SLC1A7: variants seen among roughly 807,000 people sequenced by gnomAD.
SLC1A7 encodes the protein solute carrier family 1 member 7.
SLC1A7 carries 40 observed loss-of-function variants against 47.7 expected under a neutral mutation model. That is an observed-to-expected ratio of 0.84 (90% confidence interval 0.65 to 1.09). The LOEUF is 1.09. Ranked by LOEUF, SLC1A7 falls within the 50% of genes least tolerant of loss-of-function variation. SLC1A7 has a pLI of 0.00. For synonymous variants in SLC1A7, 323 were observed against 325.6 expected, an observed-to-expected ratio of 0.99 and a Z score of 0.09; for missense variants, 746 against 769.5, an observed-to-expected ratio of 0.97 and a Z score of 0.36.
intron 2 of SLC1A7, among the ~76,000 whole-genome samples, chr1:53,122,270 C>T (rs899536009): frequency 6.6e-6 from 1 of 152,150 alleles, no homozygotes; most frequent in Non-Finnish European, 1.5e-5. Flanking sequence ...CAGTCACAAC[C>T]TCCTGGCAGT....
chr1:53,116,653 A>C (rs1679911), intron 2 of SLC1A7, among the ~76,000 whole-genome samples: 81,086 of 151,846 alleles, frequency 0.53, 23,077 homozygotes, highest in Middle Eastern at 0.68. Flanking sequence ...CGGTGCGTCA[A>C]CCCAGGGCCA....
Position 53,087,948 on chromosome 1 carries a change from C to G in SLC1A7, c.*61G>C. 2 of 1,060,290 alleles carry G rather than the reference C, an allele frequency of 1.9e-6. No homozygotes were observed. Among genetic ancestry groups the G allele is most frequent in the Non-Finnish European group, 2.6e-6 (2 of 756,914 alleles). The allele number at this position is 1,060,290 out of a possible 1,614,324, so 65.7% of individuals were successfully genotyped here. On this transcript the variant is annotated 3_prime_UTR_variant, in exon 11 of 11. Transcript: ENST00000371494. ...CGGCTGCTCAGGAGGGTTGGAGAGT[C>G]GAGTTCCTGCCTCAGGACCCTGCCC... is the stretch of plus-strand genomic sequence containing the variant.
intron 3 of SLC1A7, among the ~76,000 whole-genome samples, chr1:53,110,269 CTTA>C (rs536314138): frequency 1.9e-4 from 29 of 152,312 alleles, no homozygotes; most frequent in African/African-American, 6.5e-4. Context: ...CACACAGTAA[CTTA>C]TTATTATCAG....
intron 1 of SLC1A7, among the ~76,000 whole-genome samples, chr1:53,138,164 T>C (rs1645019675): frequency 6.6e-6 from 1 of 152,228 alleles, no homozygotes. Context: ...TTGCTTAAGA[T>C]GTTCAAAGCC....
In SLC1A7 at chr1:53,092,857, G is replaced by A. The variant is rs1488493192; in HGVS notation, c.798-70C>T. On this transcript the variant is annotated intron_variant, in intron 6 of 10. Coordinates refer to ENST00000371494, the MANE Select transcript of SLC1A7 (RefSeq NM_006671.6). Reference sequence around the variant, plus strand: ...CACACCCCGGCCCCAGCCCCGCATCGCTGCGCGGCCTTCCCCCTGAGCTTC... The same window carrying A: ...CACACCCCGGCCCCAGCCCCGCATCACTGCGCGGCCTTCCCCCTGAGCTTC... The A allele has an allele frequency of 1.2e-4, 121 of 1,017,732 alleles. 1 individual carries two copies. The South Asian group carries it at 1.5e-3, about 12-fold the overall frequency. The allele number at this position is 1,017,732 out of a possible 1,614,324, so 63.0% of individuals were successfully genotyped here.
chr1:53,117,929 G>A (rs546217619), intron 2 of SLC1A7, among the ~76,000 whole-genome samples: 4 of 152,374 alleles, frequency 2.6e-5, no homozygotes, highest in African/African-American at 9.6e-5. Context: ...GACCCAAGTC[G>A]TTCTGTGCTG....
chr1:53,121,633 G>A (rs1644826407), intron 2 of SLC1A7, among the ~76,000 whole-genome samples: 1 of 152,266 alleles, frequency 6.6e-6, no homozygotes, highest in Non-Finnish European at 1.5e-5. Flanking sequence ...GGATGAGGGA[G>A]TTGGGAATCC....
At chr1:53,092,305 G>A (rs895465347) in intron 7 of SLC1A7, among the ~76,000 whole-genome samples, 1 of 152,256 alleles carries the variant, frequency 6.6e-6, no homozygotes, top group Non-Finnish European at 1.5e-5. Flanking sequence ...GCCCTGGCGC[G>A]TCGAGGCCGC....
Position 53,116,815 on chromosome 1 carries a change from GTCC to G in SLC1A7, c.216-1845_216-1843del, listed in dbSNP as rs769420245. On this transcript the variant is annotated intron_variant, in intron 2 of 10. Coordinates refer to ENST00000371494, the MANE Select transcript of SLC1A7 (RefSeq NM_006671.6). ...AGAACTCAGGGCCAGACCCAGGCCT[GTCC>G]TCCTTCATTCACGTGCATTCAAACC... Among the ~76,000 whole-genome samples, 3 of 152,342 alleles carry G rather than the reference GTCC, an allele frequency of 2.0e-5. No individual in the cohort carries two copies. In the East Asian group the frequency reaches 5.8e-4, roughly 29 times the overall value.
intron 2 of SLC1A7, among the ~76,000 whole-genome samples, chr1:53,122,657 C>G (rs1644838289): frequency 6.6e-6 from 1 of 152,156 alleles, no homozygotes; most frequent in African/African-American, 2.4e-5. Flanking sequence ...CAGCTAAAGT[C>G]TGGGCCATCT....
At chr1:53,126,461 G>C (rs549151872) in intron 2 of SLC1A7, among the ~76,000 whole-genome samples, 4 of 152,316 alleles carry the variant, frequency 2.6e-5, no homozygotes, top group African/African-American at 7.2e-5. Flanking sequence ...CGCAAACCTG[G>C]AGTTACGCCG....
chr1:53,117,097 C>A (rs901989187), intron 2 of SLC1A7, among the ~76,000 whole-genome samples: 4 of 152,140 alleles, frequency 2.6e-5, no homozygotes, highest in African/African-American at 9.7e-5. Context: ...AGGAAGGGCT[C>A]CCTGGAGGAG....
rs1405223828 is a variant in SLC1A7, at chr1:53,087,979, GGC to G, written c.*28_*29del. The G allele has an allele frequency of 8.3e-7, 1 of 1,211,216 alleles. No individual in the cohort carries two copies. Among genetic ancestry groups the G allele is most frequent in the Non-Finnish European group, 1.1e-6 (1 of 927,378 alleles). 75.0% of individuals were successfully genotyped at this position (1,211,216 alleles called of 1,614,324 possible). On this transcript the variant is annotated 3_prime_UTR_variant, in exon 11 of 11. Transcript: ENST00000371494. Reference sequence around the variant, plus strand: ...CCTGCCTCAGGACCCTGCCCCTGGAGGCCTCGCCTGCCCCTGCAGCTCCGCAG... The same window carrying G: ...CCTGCCTCAGGACCCTGCCCCTGGAGCTCGCCTGCCCCTGCAGCTCCGCAG...
intron 5 of SLC1A7, among the ~76,000 whole-genome samples, chr1:53,097,353 TCA>T (rs971369977): frequency 8.5e-6 from 1 of 117,254 alleles, no homozygotes; most frequent in African/African-American, 3.2e-5. Flanking sequence ...CTCCGTGTAC[TCA>T]CACACACCCC....
Position 53,089,916 on chromosome 1 carries a change from G to A in SLC1A7, c.1245C>T (p.Ala415=), listed in dbSNP as rs143355856. 214 of 1,613,472 alleles carry A rather than the reference G, an allele frequency of 1.3e-4. No homozygotes were observed. Among genetic ancestry groups the A allele is most frequent in the Middle Eastern group, 1.6e-4 (1 of 6,082 alleles). Residue 415 remains alanine, a synonymous_variant, in exon 9 of 11, where the codon GCC becomes GCT. Transcript: ENST00000371494. ...GGGGGATGCCAGCTGCCCCAATGCT[G>A]GCTGCAGTGGCTGTGATACTGCAGG... ...IITISITATA[A]SIGAAGIPQA... is the part of the protein sequence containing the mutation.
At chr1:53,090,450 C>A in intron 8 of SLC1A7, 162 bp downstream of exon 8, 1 of 1,167,224 alleles carries the variant, frequency 8.6e-7, no homozygotes, top group Non-Finnish European at 1.2e-6. Flanking sequence ...CCCTCCCTCC[C>A]GGGCTGTCCT....
chr1:53,127,936 G>C (rs1050972495), intron 2 of SLC1A7, among the ~76,000 whole-genome samples: 1 of 152,194 alleles, frequency 6.6e-6, no homozygotes. Flanking sequence ...CTGAGCAGAG[G>C]ACTCAGCCAA....
intron 10 of SLC1A7, 87 bp from the exon 11 acceptor site, chr1:53,088,314 G>T: frequency 2.7e-6 from 3 of 1,123,674 alleles, no homozygotes; most frequent in Non-Finnish European, 2.5e-6. Context: ...GGCAGAATGA[G>T]CTCAGGGCTA....
rs957546756 is a variant in SLC1A7, at chr1:53,094,595, G to A, written c.698-1035C>T. Among the ~76,000 whole-genome samples, 34 of 152,300 alleles carry A rather than the reference G, an allele frequency of 2.2e-4. 1 individual carries two copies. The highest frequency in any genetic ancestry group is 1.8e-3 in the Admixed American group (27 of 15,310). ...ACACAGTCCATGGAGCAGCTACCCC[G>A]TGGTGACGGAGTGAGGTGAGGGCCC... is the stretch of plus-strand genomic sequence containing the variant. On this transcript the variant is annotated intron_variant, in intron 5 of 10. Transcript: ENST00000371494.
Sources: gnomAD v4.1 joint callset for allele counts (sites outside exome capture counted in the v4.1 genomes callset) on GRCh38, gnomAD v4.1.1 for gene constraint, MANE v1.5 for transcripts, NCBI Gene and HGNC (gene_info 2026-07-23, HGNC 2026-07-21) for gene names.